The following ADARB2 variants were observed in gnomAD, a reference collection of about 807,000 sequenced individuals.
ADARB2 encodes inactive double-stranded RNA-specific editase B2.
Under a neutral mutation model 62.2 loss-of-function variants are expected in ADARB2, and 25 were observed. The observed-to-expected ratio is 0.40, with a 90% confidence interval of 0.29 to 0.56. The LOEUF (loss-of-function observed/expected upper bound fraction) is 0.56. ADARB2 is among the 20% of genes least tolerant of loss of function. ADARB2 has a pLI of 0.43. For synonymous variants in ADARB2, 572 were observed against 500.8 expected (o/e 1.14, Z -1.90); for missense variants, 1,071 against 1,077.4 (o/e 0.99, Z 0.08).
At chr10:1,640,578 A>G (rs1833968662) in intron 1 of ADARB2, among the ~76,000 whole-genome samples, 2 of 152,192 alleles carry the variant, frequency 1.3e-5, no homozygotes, top group Admixed American at 1.3e-4. Context: ...TAAGCTGAAC[A>G]TCTTAAGCAT....
rs1181609881 is a variant in ADARB2 at position 1,246,437 on chromosome 10, C to T, written c.1193-4138G>A. ...CATGCCTATGTCCTGAATGGTGATG[C>T]CCAGGTTTTCTTCTAGGGTTTTTAT... is the stretch of plus-strand genomic sequence containing the variant. On this transcript the variant is annotated intron_variant, in intron 4 of 9. Coordinates refer to ENST00000381312, the MANE Select transcript of ADARB2 (RefSeq NM_018702.4). Among the ~76,000 whole-genome samples the T allele has an allele frequency of 7.0e-5, 8 of 114,278 alleles. 1 individual carries two copies. In the Admixed American group the frequency reaches 7.0e-4, roughly 10 times the overall value. 75.0% of individuals were successfully genotyped at this position (114,278 alleles called of 152,430 possible). A position where few individuals can be genotyped will look rare whatever the true frequency, so the allele number is the denominator to read the frequency against.
intron 1 of ADARB2, among the ~76,000 whole-genome samples, chr10:1,561,435 A>C (rs181478673): frequency 3.3e-5 from 5 of 152,304 alleles, no homozygotes; most frequent in Non-Finnish European, 5.9e-5. Flanking sequence ...ATTCTTCAAC[A>C]ACTATTTCCT....
At chr10:1,668,716 T>C (rs920877042) in intron 1 of ADARB2, among the ~76,000 whole-genome samples, 3 of 152,236 alleles carry the variant, frequency 2.0e-5, no homozygotes, top group Non-Finnish European at 2.9e-5. Context: ...ATTTTCATAA[T>C]GATAAGCCCT....
chr10:1,312,963 G>T (rs1589189225), intron 3 of ADARB2, among the ~76,000 whole-genome samples: 1 of 152,222 alleles, frequency 6.6e-6, no homozygotes, highest in South Asian at 2.1e-4. Context: ...CGGCAGGAGA[G>T]GGGTGGGAAG....
At position 1,589,997 on chromosome 10, in the gene ADARB2, GTGA is replaced by G. The variant is rs1230161549; in HGVS notation, c.100+147051_100+147053del. 1.4e-4 allele frequency among the ~76,000 whole-genome samples: 22 copies of G among 152,374 alleles called. 1 individual carries two copies. Among genetic ancestry groups the G allele is most frequent in the African/African-American group, 5.3e-4 (22 of 41,596 alleles). ...CAGGTGCTCCTCTGGGAGCCAGGCT[GTGA>G]GCTGTGGGCTGGCCTTGCTGGATTT... On this transcript the variant is annotated intron_variant, in intron 1 of 9. Coordinates refer to ENST00000381312, the MANE Select transcript of ADARB2 (RefSeq NM_018702.4).
At chr10:1,350,776 TAAATA>T (rs1157427065) in intron 3 of ADARB2, among the ~76,000 whole-genome samples, 1 of 152,054 alleles carries the variant, frequency 6.6e-6, no homozygotes, top group Non-Finnish European at 1.5e-5. Context: ...CTCCCGACAT[TAAATA>T]AAACTCCAAA....
chr10:1,619,564 G>C (rs982476381), intron 1 of ADARB2, among the ~76,000 whole-genome samples: 1 of 152,164 alleles, frequency 6.6e-6, no homozygotes. Context: ...CAATTCTCCT[G>C]TCTCAGCCTC....
chr10:1,333,473 A>T (rs551737122), intron 3 of ADARB2, among the ~76,000 whole-genome samples: 3 of 152,150 alleles, frequency 2.0e-5, no homozygotes, highest in Non-Finnish European at 4.4e-5. Context: ...ACCACATGAA[A>T]CTGCCTCTCT....
At chr10:1,437,231 T>TATAC (rs1464687360) in intron 1 of ADARB2, among the ~76,000 whole-genome samples, 3 of 146,168 alleles carry the variant, frequency 2.1e-5, no homozygotes, top group Non-Finnish European at 4.5e-5. Context: ...TATATATATA[T>TATAC]ACACACACAC....
chr10:1,648,642 A>G (rs2119069223), intron 1 of ADARB2, among the ~76,000 whole-genome samples: 1 of 152,288 alleles, frequency 6.6e-6, no homozygotes, highest in Admixed American at 6.5e-5. Context: ...TTTTCAGGCA[A>G]TCCAGCTCTG....
chr10:1,353,310 C>T (rs560624059), intron 3 of ADARB2, among the ~76,000 whole-genome samples: 7 of 152,314 alleles, frequency 4.6e-5, no homozygotes, highest in African/African-American at 1.7e-4. Context: ...CAACCTTACC[C>T]ATTCTCTCCT....
intron 1 of ADARB2, among the ~76,000 whole-genome samples, chr10:1,684,273 A>G (rs1051187682): frequency 1.3e-5 from 2 of 152,234 alleles, no homozygotes; most frequent in African/African-American, 4.8e-5. Context: ...CATCTTTCTT[A>G]GCTACTAAAT....
chr10:1,273,245 G>T (rs934102177), intron 3 of ADARB2, among the ~76,000 whole-genome samples: 3 of 152,200 alleles, frequency 2.0e-5, no homozygotes, highest in Non-Finnish European at 4.4e-5. Flanking sequence ...GCTGTCAAGG[G>T]AGAGCGTGAT....
chr10:1,371,071 G>A (rs1314167644), intron 2 of ADARB2, among the ~76,000 whole-genome samples: 1 of 152,168 alleles, frequency 6.6e-6, no homozygotes, highest in African/African-American at 2.4e-5. Context: ...TCTATAGTAA[G>A]AACAGGATGG....
intron 1 of ADARB2, among the ~76,000 whole-genome samples, chr10:1,402,106 T>C (rs112243922): frequency 0.019 from 2,941 of 152,258 alleles, 41 homozygotes; most frequent in Middle Eastern, 0.044. Context: ...TGGGGTGTCA[T>C]GAGGCCTGGC....
chr10:1,595,272 C>T (rs1313347875), intron 1 of ADARB2, among the ~76,000 whole-genome samples: 1 of 152,158 alleles, frequency 6.6e-6, no homozygotes, highest in South Asian at 2.1e-4. Flanking sequence ...AAGAAATGCG[C>T]TGAAGAACAG....
chr10:1,311,061 A>G (rs1200113222), intron 3 of ADARB2, among the ~76,000 whole-genome samples: 2 of 152,240 alleles, frequency 1.3e-5, no homozygotes, highest in African/African-American at 4.8e-5. Context: ...CAGTAGCTCC[A>G]GAGCTGGGCA....
At position 1,355,645 on chromosome 10, in the gene ADARB2, T is replaced by C. The variant is rs1031995812; in HGVS notation, c.1077+7383A>G. Among the ~76,000 whole-genome samples, 48 of 152,234 alleles carry C rather than the reference T, an allele frequency of 3.2e-4. 1 individual carries two copies. Among genetic ancestry groups the C allele is most frequent in the Non-Finnish European group, 1.3e-4 (9 of 68,048 alleles). ...GCCCTGCTTAACTAATGGACAGTCA[T>C]ATTAACCATATTTGAAAATTCCAAA... On this transcript the variant is annotated intron_variant, in intron 3 of 9. Coordinates refer to ENST00000381312, the MANE Select transcript of ADARB2 (RefSeq NM_018702.4).
At chr10:1,433,171 A>G (rs963700601) in intron 1 of ADARB2, among the ~76,000 whole-genome samples, 7 of 152,204 alleles carry the variant, frequency 4.6e-5, no homozygotes, top group African/African-American at 1.7e-4. Context: ...TCATGCAAGG[A>G]AAGGCGAAGC....
Sources: gnomAD v4.1 joint callset for allele counts (sites outside exome capture counted in the v4.1 genomes callset) on GRCh38, gnomAD v4.1.1 for gene constraint, MANE v1.5 for transcripts, NCBI Gene and HGNC (gene_info 2026-07-23, HGNC 2026-07-21) for gene names.